Variants in SPAG16 observed in about 807,000 individuals in gnomAD.
The protein encoded by SPAG16 is sperm associated antigen 16.
A neutral mutation model predicts 80.4 loss-of-function variants in SPAG16; 86 were observed. The observed-to-expected ratio is 1.07, with a 90% confidence interval of 0.90 to 1.28. The LOEUF is 1.28. Ranked by LOEUF, SPAG16 falls within the 50% of genes most tolerant of loss-of-function variation. The pLI, the probability that SPAG16 is intolerant of heterozygous loss-of-function variation, is 0.00. For missense variants in SPAG16, 870 were observed against 765.3 expected (o/e 1.14, Z -1.61); for synonymous variants, 294 against 265.9 (o/e 1.11, Z -1.03).
At chr2:213,934,333 G>A (rs146230215) in intron 12 of SPAG16, among the ~76,000 whole-genome samples, 1,812 of 152,278 alleles carry the variant, frequency 0.012, 13 homozygotes, top group Middle Eastern at 0.024. Context: ...GATGGTGGTG[G>A]GAAGCAGAAA....
At chr2:213,946,251 A>G (rs1226679653) in intron 12 of SPAG16, among the ~76,000 whole-genome samples, 1 of 152,110 alleles carries the variant, frequency 6.6e-6, no homozygotes, top group African/African-American at 2.4e-5. Flanking sequence ...AGCAGCTGGA[A>G]CTACTGGTGC....
chr2:213,526,855 G>T (rs1162882863), intron 10 of SPAG16, among the ~76,000 whole-genome samples: 1 of 152,172 alleles, frequency 6.6e-6, no homozygotes, highest in Non-Finnish European at 1.5e-5. Context: ...TGTGTGTGGG[G>T]TTGTCAAGAA....
At chr2:213,913,594 T>TATATATAC (rs1559581267) in intron 11 of SPAG16, among the ~76,000 whole-genome samples, 1 of 7,200 alleles carries the variant, frequency 1.4e-4, no homozygotes. Context: ...TGTACATATA[T>TATATATAC]GTATATGTAC....
chr2:213,646,166 C>A (rs767275237), intron 10 of SPAG16, among the ~76,000 whole-genome samples: 34 of 152,334 alleles, frequency 2.2e-4, no homozygotes, highest in Middle Eastern at 3.4e-3. Flanking sequence ...TTTTTCCTAT[C>A]CCTTCAGTGC....
chr2:214,154,684 G>C (rs1450877631), intron 15 of SPAG16, among the ~76,000 whole-genome samples: 1 of 152,028 alleles, frequency 6.6e-6, no homozygotes, highest in Non-Finnish European at 1.5e-5. Context: ...TTAGAAGTTA[G>C]AAGCCCAAGT....
chr2:214,227,071 CAGA>C (rs2058713824), intron 15 of SPAG16, among the ~76,000 whole-genome samples: 1 of 151,986 alleles, frequency 6.6e-6, no homozygotes, highest in Admixed American at 6.6e-5. Context: ...TAGTGTTTTC[CAGA>C]AGGTCTTTTA....
At chr2:213,620,741 A>G (rs1219495769) in intron 10 of SPAG16, among the ~76,000 whole-genome samples, 2 of 152,214 alleles carry the variant, frequency 1.3e-5, no homozygotes, top group Non-Finnish European at 2.9e-5. Context: ...CTCTGTAACC[A>G]TAAATACATA....
At chr2:214,364,652 G>A (rs1699372749) in intron 15 of SPAG16, among the ~76,000 whole-genome samples, 1 of 152,120 alleles carries the variant, frequency 6.6e-6, no homozygotes, top group African/African-American at 2.4e-5. Flanking sequence ...AAACAGTGCT[G>A]TTTTCAAAGT....
Position 214,242,989 on chromosome 2 carries a change from A to G in SPAG16, c.1720+93723A>G, listed in dbSNP as rs143541294. Among the ~76,000 whole-genome samples, 1,065 of 152,254 alleles carry G rather than the reference A, an allele frequency of 7.0e-3. 9 individuals carry two copies. The highest frequency in any genetic ancestry group is 0.025 in the African/African-American group (1,019 of 41,554). On this transcript the variant is annotated intron_variant, in intron 15 of 15. Coordinates refer to ENST00000331683, the MANE Select transcript of SPAG16 (RefSeq NM_024532.5). ...TTAAGCTTAGGACTTGGGAAAATCA[A>G]TAATTGGAAAGATAAATGTTTTGAG...
In SPAG16 at chr2:214,006,102, G is replaced by A. The variant is rs114297568; in HGVS notation, c.1401-7849G>A. Among the ~76,000 whole-genome samples, 321 of 151,954 alleles carry A rather than the reference G, an allele frequency of 2.1e-3. 1 individual carries two copies. Among genetic ancestry groups the A allele is most frequent in the African/African-American group, 6.1e-3 (251 of 41,362 alleles). ...ATTCTAGTATTCCCTTTGAAAACAC[G>A]GATAGATATTTTTTAATCTTTTTTT... On this transcript the variant is annotated intron_variant, in intron 12 of 15. Coordinates refer to ENST00000331683, the MANE Select transcript of SPAG16 (RefSeq NM_024532.5).
chr2:213,930,339 A>T (rs2078696560), intron 12 of SPAG16, among the ~76,000 whole-genome samples, 194 bp downstream of exon 12: 1 of 152,062 alleles, frequency 6.6e-6, no homozygotes, highest in South Asian at 2.1e-4. Flanking sequence ...ATCTTTGTTG[A>T]TTAATAATTT....
At chr2:213,333,850 A>G (rs7572425) in intron 5 of SPAG16, among the ~76,000 whole-genome samples, 11,326 of 152,094 alleles carry the variant, frequency 0.074, 1,386 homozygotes, top group African/African-American at 0.26. Flanking sequence ...CAAAAATCAA[A>G]TCAAAATGAA....
chr2:213,927,254 A>C (rs2078522926), intron 11 of SPAG16, among the ~76,000 whole-genome samples: 1 of 152,236 alleles, frequency 6.6e-6, no homozygotes. Context: ...TAGGGCATCA[A>C]TGTACGGATC....
At chr2:213,967,155 A>T (rs2044750705) in intron 12 of SPAG16, among the ~76,000 whole-genome samples, 1 of 152,174 alleles carries the variant, frequency 6.6e-6, no homozygotes, top group Non-Finnish European at 1.5e-5. Flanking sequence ...TATACCTTAT[A>T]TAGTTATTGT....
chr2:213,585,937 C>CT (rs909017211), intron 10 of SPAG16, among the ~76,000 whole-genome samples: 69 of 151,554 alleles, frequency 4.6e-4, no homozygotes, highest in Admixed American at 1.7e-3. Flanking sequence ...CCTCCTCCTT[C>CT]TTTTTTTTTC....
chr2:213,512,927 A>C (rs2075282883), intron 10 of SPAG16, among the ~76,000 whole-genome samples: 1 of 151,750 alleles, frequency 6.6e-6, no homozygotes, highest in Non-Finnish European at 1.5e-5. Flanking sequence ...TGATATCCTC[A>C]GCTTTCTTAT....
At chr2:213,661,313 G>A (rs1469966171) in intron 10 of SPAG16, among the ~76,000 whole-genome samples, 1 of 152,152 alleles carries the variant, frequency 6.6e-6, no homozygotes, top group Non-Finnish European at 1.5e-5. Flanking sequence ...ATTATAGATT[G>A]CTTTCTCACT....
intron 15 of SPAG16, among the ~76,000 whole-genome samples, chr2:214,276,910 C>T (rs564322999): frequency 3.9e-5 from 6 of 151,980 alleles, no homozygotes; most frequent in East Asian, 1.9e-4. Flanking sequence ...CCATTCTCCC[C>T]GTCACTTTCA....
intron 9 of SPAG16, among the ~76,000 whole-genome samples, chr2:213,379,641 C>T (rs2067061765): frequency 6.6e-6 from 1 of 152,198 alleles, no homozygotes. Context: ...AAGGACAAAC[C>T]TCTGCCCTTT....
Sources: gnomAD v4.1 joint callset for allele counts (sites outside exome capture counted in the v4.1 genomes callset) on GRCh38, gnomAD v4.1.1 for gene constraint, MANE v1.5 for transcripts, NCBI Gene and HGNC (gene_info 2026-07-23, HGNC 2026-07-21) for gene names.